The following PDE4A variants were observed in gnomAD, a reference collection of about 807,000 sequenced individuals.
The protein encoded by PDE4A is 3',5'-cyclic-AMP phosphodiesterase 4A.
A neutral mutation model predicts 73.9 loss-of-function variants in PDE4A; 21 were observed. That is an observed-to-expected ratio of 0.28 (90% CI 0.20 to 0.41). PDE4A has a LOEUF of 0.41. Among genes scored for constraint, PDE4A ranks in the 10% least tolerant of loss-of-function variants. The probability of loss-of-function intolerance (pLI) is 1.00; values close to 1 mark genes in which losing one functional copy is unlikely to be tolerated. For missense variants in PDE4A, 958 were observed against 1,211.4 expected, an observed-to-expected ratio of 0.79 and a Z score of 3.10; for synonymous variants, 463 against 505.4, an observed-to-expected ratio of 0.92 and a Z score of 1.13.
chr19:10,430,738 C>T, intron 1 of PDE4A: 1 of 268,574 alleles, frequency 3.7e-6, no homozygotes, highest in Non-Finnish European at 5.7e-6. Flanking sequence ...GGCGACAGGG[C>T]GGGGTGGGGC....
Position 10,458,844 on chromosome 19 carries a change from C to G in PDE4A, c.1102-556C>G, listed in dbSNP as rs142284963. On this transcript the variant is annotated intron_variant, in intron 8 of 14. Transcript: ENST00000380702. This position sits in a 1 kb window ranked among gnomAD's most constrained non-coding sequence, Gnocchi z 4.6. ...ATGTTGACCAGGCTGGTCTCGAACTCCTGGCCTCAAGTGATCCACCCGCCT... is the reference window on the plus strand; with the variant it reads ...ATGTTGACCAGGCTGGTCTCGAACTGCTGGCCTCAAGTGATCCACCCGCCT... The G allele has an allele frequency of 5.2e-3, 796 of 154,390 alleles. 14 individuals carry two copies. The highest frequency in any genetic ancestry group is 0.034 in the East Asian group (178 of 5,260). The allele number at this position is 154,390 out of a possible 1,614,324, so 9.6% of individuals were successfully genotyped here.
At chr19:10,426,859 C>A (rs570374398) in intron 1 of PDE4A, among the ~76,000 whole-genome samples, 1 of 149,480 alleles carries the variant, frequency 6.7e-6, no homozygotes. Flanking sequence ...CAAAGCCAGA[C>A]TCCGTCTCAA....
At chr19:10,431,106 C>T (rs2042783352) in intron 1 of PDE4A, 5 of 1,479,256 alleles carry the variant, frequency 3.4e-6, no homozygotes, top group Non-Finnish European at 4.5e-6. Context: ...GCGCTGGTGG[C>T]CGTGGGTTCA....
chr19:10,441,681 G>GTTTTTTTTT (rs1200442230), intron 1 of PDE4A, among the ~76,000 whole-genome samples: 4 of 131,792 alleles, frequency 3.0e-5, no homozygotes, highest in East Asian at 2.1e-4. Flanking sequence ...GTCATTTTGA[G>GTTTTTTTTT]TTATTTTTTT....
In PDE4A at chr19:10,458,017, A is replaced by G. The variant is rs754411132; in HGVS notation, c.1016A>G (p.Lys339Arg). The G allele has an allele frequency of 6.2e-7, 1 of 1,613,978 alleles. No homozygotes were observed. Among genetic ancestry groups the G allele is most frequent in the South Asian group, 1.1e-5 (1 of 91,074 alleles). Residue 339 changes from lysine to arginine, a missense_variant, in exon 8 of 15, where the codon AAA (lysine) becomes AGA (arginine). Lys to Arg is a conservative substitution (Grantham distance 26). Transcript: ENST00000380702. The surrounding 1 kb of genome is among the most constrained non-coding windows in gnomAD (Gnocchi z 4.6). The part of the protein sequence containing the change: ...LQPMSQITGL[K>R]KLMHSNSLNN... ...CCCATGTCCCAAATCACAGGGTTGAAAAAGTTGATGCATAGTAACAGCCTG... is the reference window on the plus strand; with the variant it reads ...CCCATGTCCCAAATCACAGGGTTGAGAAAGTTGATGCATAGTAACAGCCTG...
chr19:10,428,575 T>A (rs897751068), intron 1 of PDE4A, among the ~76,000 whole-genome samples: 1 of 152,210 alleles, frequency 6.6e-6, no homozygotes, highest in African/African-American at 2.4e-5. Flanking sequence ...ATACTGATAA[T>A]AACTGTAGCT....
rs2043421052 is a variant in PDE4A at position 10,468,489 on chromosome 19, G to GC, written c.*874dup. 3.9e-5 allele frequency: 2 copies of GC among 50,680 alleles called. No individual in the cohort carries two copies. Among genetic ancestry groups the GC allele is most frequent in the South Asian group, 1.1e-3 (2 of 1,778 alleles). The allele number at this position is 50,680 out of a possible 1,614,324, so 3.1% of individuals were successfully genotyped here. On this transcript the variant is annotated 3_prime_UTR_variant, in exon 15 of 15. Transcript: ENST00000380702. Reference sequence around the variant, plus strand: ...GTGGCTCTGATCCACTCACCCCCCCGCCCCCCGCCCCACTTCTAGCTGCTT... The same window carrying GC: ...GTGGCTCTGATCCACTCACCCCCCCGCCCCCCCGCCCCACTTCTAGCTGCTT...
chr19:10,432,108 C>T (rs555429982), intron 1 of PDE4A, among the ~76,000 whole-genome samples: 65 of 135,498 alleles, frequency 4.8e-4, no homozygotes, highest in Middle Eastern at 4.5e-3. Context: ...GAGGCGGTGG[C>T]AGGAGGGCGG....
In PDE4A at chr19:10,446,098, C is replaced by A. The variant is rs2042999263; in HGVS notation, c.321-120C>A. 7 of 1,434,408 alleles carry A rather than the reference C, an allele frequency of 4.9e-6. No individual in the cohort carries two copies. In the East Asian group the frequency reaches 1.3e-4, roughly 26 times the overall value. The allele number at this position is 1,434,408 out of a possible 1,614,324, so 88.9% of individuals were successfully genotyped here. On this transcript the variant is annotated intron_variant, in intron 1 of 14. Coordinates refer to ENST00000380702, the MANE Select transcript of PDE4A (RefSeq NM_001111307.2). ...AGTGATTCACCCCCACTTGGCCTCCCAAAGTGCTGGGATTACAGGCATTAC... is the reference window on the plus strand; with the variant it reads ...AGTGATTCACCCCCACTTGGCCTCCAAAAGTGCTGGGATTACAGGCATTAC...
At chr19:10,454,546 C>T (rs1038361609) in intron 6 of PDE4A, among the ~76,000 whole-genome samples, 5 of 152,186 alleles carry the variant, frequency 3.3e-5, no homozygotes, top group African/African-American at 1.2e-4. Flanking sequence ...CACAGGTGCC[C>T]CTCTAGCTCC....
chr19:10,454,248 C>T (rs1006798381), intron 6 of PDE4A, among the ~76,000 whole-genome samples: 1 of 152,176 alleles, frequency 6.6e-6, no homozygotes, highest in Non-Finnish European at 1.5e-5. Context: ...TCTCCCCTAC[C>T]CCGGCCAAAC....
At position 10,446,304 on chromosome 19, in the gene PDE4A, G is replaced by C. The variant is rs761381130; in HGVS notation, c.407G>C (p.Gly136Ala). Residue 136 changes from glycine (G) to alanine (A), a missense_variant, in exon 2 of 15, where the codon GGG becomes GCG. Physicochemically the swap from Gly to Ala is moderately conservative, Grantham distance 60. Transcript: ENST00000380702. ...AGCCCAGGACTCGTGCTGCACGCCGGGGCGGCCACCAGCCAGCGCCGGGAG... is the reference window on the plus strand; with the variant it reads ...AGCCCAGGACTCGTGCTGCACGCCGCGGCGGCCACCAGCCAGCGCCGGGAG... ...QASPGLVLHA[G>A]AATSQRRESF... is the part of the protein sequence containing the mutation. 6.2e-7 allele frequency: 1 copy of C among 1,612,508 alleles called. No homozygotes were observed. Among genetic ancestry groups the C allele is most frequent in the South Asian group, 1.1e-5 (1 of 90,902 alleles).
intron 1 of PDE4A, chr19:10,431,187 C>T (rs2042784335): frequency 1.2e-6 from 1 of 832,556 alleles, no homozygotes. Flanking sequence ...CCTCACTTTC[C>T]TCTTCTGTCA....
At chr19:10,438,353 C>T (rs1023840153) in intron 1 of PDE4A, among the ~76,000 whole-genome samples, 6 of 151,906 alleles carry the variant, frequency 3.9e-5, no homozygotes, top group African/African-American at 7.3e-5. Flanking sequence ...CCTTGTGATC[C>T]GCCCGCCTCC....
upstream of PDE4A, chr19:10,417,924 C>T: frequency 6.7e-7 from 1 of 1,498,952 alleles, no homozygotes; most frequent in East Asian, 2.5e-5. Flanking sequence ...GCCAACTGGG[C>T]TAGGTCCAGC....
At chr19:10,444,496 C>T (rs1213690305) in intron 1 of PDE4A, among the ~76,000 whole-genome samples, 1 of 146,806 alleles carries the variant, frequency 6.8e-6, no homozygotes, top group Non-Finnish European at 1.5e-5. Context: ...GAAACTCCAT[C>T]TCAAAAAAAA....
rs746027578 is a variant in PDE4A at position 10,463,882 on chromosome 19, C to T, written c.1833C>T (p.Ala611=). 2.2e-5 allele frequency: 36 copies of T among 1,614,026 alleles called. No individual in the cohort carries two copies. Among genetic ancestry groups the T allele is most frequent in the East Asian group, 2.0e-4 (9 of 44,898 alleles). The change falls in exon 14 of 15, where the codon GCC becomes GCT. Residue 611 remains alanine, a synonymous_variant. Coordinates refer to ENST00000380702, the MANE Select transcript of PDE4A (RefSeq NM_001111307.2). ...LYRQWTDRIM[A]EFFQQGDRER... ...GCCAGTGGACAGACCGCATCATGGC[C>T]GAGTTCTTCCAGCAGGGTGACCGAG...
intron 1 of PDE4A, chr19:10,423,015 A>G (rs2042670246): frequency 1.6e-6 from 1 of 616,802 alleles, no homozygotes; most frequent in South Asian, 7.2e-5. Flanking sequence ...TTTGGTGGGT[A>G]TCCATCTCGC....
At chr19:10,450,674 G>A in intron 5 of PDE4A, 22 bp downstream of exon 5, 3 of 1,601,660 alleles carry the variant, frequency 1.9e-6, no homozygotes, top group Non-Finnish European at 2.6e-6. Context: ...CAGAGGGGTG[G>A]GAAGGGGCCC....
Sources: allele counts gnomAD v4.1 joint callset (sites outside exome capture counted in the v4.1 genomes callset), GRCh38; gene constraint gnomAD v4.1.1; non-coding constraint Gnocchi (gnomAD v3.1); transcripts MANE v1.5; gene names NCBI Gene and HGNC (gene_info 2026-07-23, HGNC 2026-07-21).